Variants in UGT1A9 observed in about 807,000 individuals in gnomAD.
UGT1A9 encodes the protein UDP-glucuronosyltransferase 1A9.
Under a neutral mutation model 45.0 loss-of-function variants are expected in UGT1A9, and 35 were observed. That is an observed-to-expected ratio of 0.78 (90% CI 0.59 to 1.03). UGT1A9 has a LOEUF of 1.03. Among genes scored for constraint, UGT1A9 ranks in the 50% least tolerant of loss-of-function variants. The probability of loss-of-function intolerance (pLI) is 0.00; values close to 1 mark genes in which losing one functional copy is unlikely to be tolerated. For synonymous variants in UGT1A9, 278 were observed against 250.6 expected (o/e 1.11, Z -1.03); for missense variants, 687 against 666.6 (o/e 1.03, Z -0.34).
chr2:233,703,927 G>T (rs1468574545), intron 1 of UGT1A9, among the ~76,000 whole-genome samples: 2 of 150,936 alleles, frequency 1.3e-5, no homozygotes, highest in African/African-American at 4.9e-5. Context: ...ATCTCATTCT[G>T]TTACCCAGAC....
intron 1 of UGT1A9, chr2:233,682,632 C>T: frequency 6.2e-7 from 1 of 1,613,934 alleles, no homozygotes; most frequent in South Asian, 1.1e-5. Context: ...GAAATAGCCT[C>T]TGAAATTCTC....
chr2:233,719,170 T>G, intron 1 of UGT1A9: 1 of 1,614,246 alleles, frequency 6.2e-7, no homozygotes, highest in Non-Finnish European at 8.5e-7. Flanking sequence ...ATGGCAATTA[T>G]GAACAATGTA....
rs761460157 is a variant in UGT1A9, at chr2:233,672,039, G to A, written c.105G>A (p.Gly35=). Residue 35 remains glycine, a synonymous_variant, in exon 1 of 5, where the codon GGG becomes GGA. Coordinates refer to ENST00000354728, the MANE Select transcript of UGT1A9 (RefSeq NM_021027.3). ...AGKLLVVPMD[G]SHWFTMRSVV... ...AGCTACTGGTAGTGCCCATGGATGG[G>A]AGCCACTGGTTCACCATGAGGTCGG... The A allele has an allele frequency of 3.7e-6, 6 of 1,614,034 alleles. No homozygotes were observed. The African/African-American group carries it at 8.0e-5, about 22-fold the overall frequency.
At chr2:233,721,929 C>A in intron 1 of UGT1A9, 1 of 379,728 alleles carries the variant, frequency 2.6e-6, no homozygotes, top group East Asian at 7.5e-5. Context: ...AAAGTGACAT[C>A]CTTCAGACAC....
At chr2:233,682,140 G>A in intron 1 of UGT1A9, 1 of 1,614,198 alleles carries the variant, frequency 6.2e-7, no homozygotes, top group Non-Finnish European at 8.5e-7. Context: ...CAACTGGGAA[G>A]ATCACTGAAT....
At chr2:233,751,611 G>C (rs1214226831) in intron 1 of UGT1A9, among the ~76,000 whole-genome samples, 1 of 152,166 alleles carries the variant, frequency 6.6e-6, no homozygotes, top group Admixed American at 6.5e-5. Flanking sequence ...CTGGTGGGAG[G>C]TGATTGGATC....
rs201577813 is a variant in UGT1A9, at chr2:233,718,850, G to A, written c.855+46061G>A. On this transcript the variant is annotated intron_variant, in intron 1 of 4. Transcript: ENST00000354728. ...CCAGAGGACTCCAGGTTCCCCTGCC[G>A]CGGCTGGCCACAGGACTGCTGCTCC... The A allele has an allele frequency of 1.6e-4, 258 of 1,613,728 alleles. 1 individual carries two copies. In the East Asian group the frequency reaches 4.7e-3, roughly 30 times the overall value.
intron 1 of UGT1A9, among the ~76,000 whole-genome samples, chr2:233,700,983 C>T (rs1317815779): frequency 6.6e-6 from 1 of 151,310 alleles, no homozygotes; most frequent in Non-Finnish European, 1.5e-5. Context: ...GATTTTTTGT[C>T]CTTGCGATAG....
At chr2:233,748,600 T>C (rs1186894741) in intron 1 of UGT1A9, among the ~76,000 whole-genome samples, 2 of 151,760 alleles carry the variant, frequency 1.3e-5, no homozygotes, top group African/African-American at 4.9e-5. Flanking sequence ...TCAGTGGAAG[T>C]AGAGCAACGA....
Position 233,757,136 on chromosome 2 carries a change from G to A in UGT1A9, c.856-9898G>A, listed in dbSNP as rs10929302. Among the ~76,000 whole-genome samples, 45,076 of 150,450 alleles carry A rather than the reference G, an allele frequency of 0.3. 6,849 individuals carry two copies. The highest frequency in any genetic ancestry group is 0.39 in the South Asian group (1,811 of 4,692). ...AGGGCTAGAGAGGAGGAATGAGCTT[G>A]GACAGGTGGGCTGGGGTCTATCCCA... On this transcript the variant is annotated intron_variant, in intron 1 of 4. Transcript: ENST00000354728.
Position 233,725,768 on chromosome 2 carries a change from T to C in UGT1A9, c.856-41266T>C, listed in dbSNP as rs1448370166. Among the ~76,000 whole-genome samples, 5 of 152,306 alleles carry C rather than the reference T, an allele frequency of 3.3e-5. No individual in the cohort carries two copies. The South Asian group carries it at 1.0e-3, about 32-fold the overall frequency. ...GTAAGAGACTTACATTTTCTTCACATAGTTTGTTGTTATCATTAAATAATA... is the reference window on the plus strand; with the variant it reads ...GTAAGAGACTTACATTTTCTTCACACAGTTTGTTGTTATCATTAAATAATA... On this transcript the variant is annotated intron_variant, in intron 1 of 4. Coordinates refer to ENST00000354728, the MANE Select transcript of UGT1A9 (RefSeq NM_021027.3).
chr2:233,748,656 G>A (rs1055285615), intron 1 of UGT1A9, among the ~76,000 whole-genome samples: 3 of 151,770 alleles, frequency 2.0e-5, no homozygotes, highest in African/African-American at 4.9e-5. Context: ...ACTGAGTTCA[G>A]TTTCCAGAGA....
chr2:233,772,155 C>T, intron 4 of UGT1A9, 107 bp from the exon 5 acceptor site: 1 of 1,559,740 alleles, frequency 6.4e-7, no homozygotes, highest in Non-Finnish European at 8.7e-7. Context: ...GGTTTCCTTT[C>T]CCAAGTTTGG....
At chr2:233,766,075 T>C (rs1699041647) in intron 1 of UGT1A9, among the ~76,000 whole-genome samples, 1 of 152,186 alleles carries the variant, frequency 6.6e-6, no homozygotes, top group Non-Finnish European at 1.5e-5. Context: ...CCCTCTACCT[T>C]GTCGCAAGGA....
chr2:233,692,893 G>A (rs2075118799), intron 1 of UGT1A9: 3 of 1,527,424 alleles, frequency 2.0e-6, no homozygotes, highest in East Asian at 4.5e-5. Context: ...GCAAGGGAGA[G>A]GTAGACAGGA....
intron 1 of UGT1A9, among the ~76,000 whole-genome samples, chr2:233,681,327 A>G (rs980656608): frequency 6.6e-5 from 10 of 151,994 alleles, no homozygotes; most frequent in African/African-American, 2.2e-4. Flanking sequence ...TGAGCTCAGG[A>G]GTTCGAGACC....
intron 1 of UGT1A9, among the ~76,000 whole-genome samples, chr2:233,683,654 G>C (rs1360052208): frequency 6.6e-6 from 1 of 151,956 alleles, no homozygotes; most frequent in African/African-American, 2.4e-5. Flanking sequence ...CTTTATAAAA[G>C]TATTTCATCT....
Position 233,767,853 on chromosome 2 carries a change from TG to T in UGT1A9, c.993del (p.Trp332GlyfsTer31), listed in dbSNP as rs1559414567. 7 of 1,614,210 alleles carry T rather than the reference TG, an allele frequency of 4.3e-6. No homozygotes were observed. Among genetic ancestry groups the T allele is most frequent in the Non-Finnish European group, 5.9e-6 (7 of 1,180,034 alleles). ...TGCTCTTTTTGCCCCTCCCAGGTCCTGTGGCGGTACACTGGAACCCGACCAT... is the reference window on the plus strand; with the variant it reads ...TGCTCTTTTTGCCCCTCCCAGGTCCTTGGCGGTACACTGGAACCCGACCAT... Reference protein sequence around the residue: ...DALGKIPQTVLWRYTGTRPSN... With the variant: ...DALGKIPQTVXWRYTGTRPSN... On this transcript the variant is annotated frameshift_variant, in exon 3 of 5. Coordinates refer to ENST00000354728, the MANE Select transcript of UGT1A9 (RefSeq NM_021027.3). LOFTEE classifies it high-confidence loss of function.
intron 1 of UGT1A9, among the ~76,000 whole-genome samples, chr2:233,739,592 T>C (rs1481710171): frequency 2.0e-5 from 3 of 152,236 alleles, no homozygotes; most frequent in South Asian, 2.1e-4. Flanking sequence ...ATGGGGCCTA[T>C]AGCCCCTTTG....
Sources: gnomAD v4.1 joint callset for allele counts (sites outside exome capture counted in the v4.1 genomes callset) on GRCh38, gnomAD v4.1.1 for gene constraint, MANE v1.5 for transcripts, NCBI Gene and HGNC (gene_info 2026-07-23, HGNC 2026-07-21) for gene names.